Variants in SOX6 observed in about 807,000 individuals in gnomAD.
The protein encoded by SOX6 is transcription factor SOX-6.
Under a neutral mutation model 97.8 loss-of-function variants are expected in SOX6, and 11 were observed. The ratio of observed to expected loss-of-function variants is 0.11; its 90% CI spans 0.07 to 0.19. The LOEUF is 0.19. Among genes scored for constraint, SOX6 ranks in the 10% least tolerant of loss-of-function variants. The pLI, the probability that SOX6 is intolerant of heterozygous loss-of-function variation, is 1.00. For missense variants in SOX6, 810 were observed against 1,039.5 expected, an observed-to-expected ratio of 0.78 and a Z score of 3.04; for synonymous variants, 360 against 371.4, an observed-to-expected ratio of 0.97 and a Z score of 0.35.
At chr11:16,566,562 A>C (rs1359965206) in intron 4 of SOX6, among the ~76,000 whole-genome samples, 1 of 152,256 alleles carries the variant, frequency 6.6e-6, no homozygotes, top group African/African-American at 2.4e-5. Flanking sequence ...AAACTCAGCC[A>C]AAGCATTATT....
chr11:16,723,508 A>T (rs962258894), intron 2 of SOX6, among the ~76,000 whole-genome samples: 1 of 152,040 alleles, frequency 6.6e-6, no homozygotes, highest in Non-Finnish European at 1.5e-5. Context: ...GAAAAAAAAA[A>T]CTGAGAAAAG....
chr11:15,992,633 A>T (rs1021425703), intron 13 of SOX6, among the ~76,000 whole-genome samples: 2 of 152,172 alleles, frequency 1.3e-5, no homozygotes, highest in African/African-American at 4.8e-5. Context: ...AACATCCTAG[A>T]AAGGGAGTCT....
rs202008466 is a variant in SOX6 at position 16,318,585 on chromosome 11, A to G, written c.306T>C (p.Pro102=). 2 of 1,613,698 alleles carry G rather than the reference A, an allele frequency of 1.2e-6. No individual in the cohort carries two copies. The highest frequency in any genetic ancestry group is 4.5e-5 in the East Asian group (2 of 44,860). The part of the protein sequence containing the change: ...FRNTSTSPHK[P]DEGSRDREIM... ...TCTCACGGTCCCGACTCCCTTCGTC[A>G]GGCTTATGTGGTGAGGTAGAGGTAT... is the stretch of plus-strand genomic sequence containing the variant. The change falls in exon 3 of 16, where the codon CCT becomes CCC. Residue 102 remains proline, a synonymous_variant. Coordinates refer to ENST00000683767, the MANE Select transcript of SOX6 (RefSeq NM_001367873.1).
rs977322411 is a variant in SOX6, at chr11:15,969,817, T to A, written c.*2992A>T. 2.0e-5 allele frequency: 3 copies of A among 152,248 alleles called. No homozygotes were observed. The highest frequency in any genetic ancestry group is 4.4e-5 in the Non-Finnish European group (3 of 68,044). 9.4% of individuals were successfully genotyped at this position (152,248 alleles called of 1,614,324 possible). Reference sequence around the variant, plus strand: ...CTATGATTGTCATTCTTAATTTCCATGGATATTTAGAGCCAAACTTGGCTA... The same window carrying A: ...CTATGATTGTCATTCTTAATTTCCAAGGATATTTAGAGCCAAACTTGGCTA... On this transcript the variant is annotated 3_prime_UTR_variant, in exon 16 of 16. Transcript: ENST00000683767.
chr11:16,423,823 C>T (rs780640947), intron 1 of SOX6, among the ~76,000 whole-genome samples: 7 of 152,090 alleles, frequency 4.6e-5, no homozygotes, highest in Non-Finnish European at 8.8e-5. Context: ...CTAGAAAGTA[C>T]AGAGTGAAAA....
rs534690651 is a variant in SOX6, at chr11:16,583,614, C to CATATATATAT, written n.609+28457_609+28466dup. Among the ~76,000 whole-genome samples the CATATATATAT allele has an allele frequency of 1.3e-3, 141 of 104,640 alleles. 2 individuals are homozygous for CATATATATAT. The highest frequency in any genetic ancestry group is 3.1e-3 in the African/African-American group (96 of 30,690). The allele number at this position is 104,640 out of a possible 152,430, so 68.6% of individuals were successfully genotyped here. On this transcript the variant is annotated intron_variant and non_coding_transcript_variant, in intron 4 of 5. Coordinates refer to the SOX6 transcript ENST00000524520. The stretch of plus-strand genomic sequence containing the variant: ...ATATGTATATATGTGTATATATATA[C>CATATATATAT]ATATATATATATATATATATATACA...
At chr11:16,137,152 G>T (rs1849988997) in intron 6 of SOX6, among the ~76,000 whole-genome samples, 1 of 152,134 alleles carries the variant, frequency 6.6e-6, no homozygotes, top group African/African-American at 2.4e-5. Flanking sequence ...AGAGCATGTG[G>T]GGGCCGGGAG....
rs1458184284 is a variant in SOX6 at position 15,972,017 on chromosome 11, ACG to A, written c.*790_*791del. The A allele has an allele frequency of 4.6e-5, 7 of 152,822 alleles. No homozygotes were observed. The South Asian group carries it at 6.2e-4, about 14-fold the overall frequency. The allele number at this position is 152,822 out of a possible 1,614,324, so 9.5% of individuals were successfully genotyped here. ...TGGTGTGTGTATGTCATACCACATC[ACG>A]CACTGATGGCACGTCAACAGGCAAA... On this transcript the variant is annotated 3_prime_UTR_variant, in exon 16 of 16. Coordinates refer to ENST00000683767, the MANE Select transcript of SOX6 (RefSeq NM_001367873.1).
intron 13 of SOX6, among the ~76,000 whole-genome samples, chr11:15,997,885 A>G (rs921177769): frequency 3.9e-5 from 6 of 152,106 alleles, no homozygotes; most frequent in Non-Finnish European, 7.4e-5. Flanking sequence ...GTTCAAGACC[A>G]GCCTGACCAA....
chr11:16,735,320 T>C (rs180724045), intron 2 of SOX6, among the ~76,000 whole-genome samples: 1 of 152,310 alleles, frequency 6.6e-6, no homozygotes, highest in East Asian at 1.9e-4. Flanking sequence ...CATCACTGAA[T>C]ATATGCCCCA....
intron 1 of SOX6, among the ~76,000 whole-genome samples, chr11:16,349,369 C>T (rs1439801294): frequency 6.6e-6 from 1 of 152,056 alleles, no homozygotes; most frequent in Non-Finnish European, 1.5e-5. Context: ...GTAATCCCAG[C>T]ACTTTGGGAA....
rs564479592 is a variant in SOX6 at position 16,569,051 on chromosome 11, A to C, written n.609+43030T>G. ...AGGTGGATCAGCATGTAAGCATCATAGAGGTTGAAGAGCATTATCAAATTA... is the reference window on the plus strand; with the variant it reads ...AGGTGGATCAGCATGTAAGCATCATCGAGGTTGAAGAGCATTATCAAATTA... On this transcript the variant is annotated intron_variant and non_coding_transcript_variant, in intron 4 of 5. Coordinates refer to the SOX6 transcript ENST00000524520. 9.2e-5 allele frequency among the ~76,000 whole-genome samples: 14 copies of C among 152,362 alleles called. No homozygotes were observed. In the East Asian group the frequency reaches 1.2e-3, roughly 13 times the overall value.
chr11:16,115,968 A>G (rs1035962478), intron 6 of SOX6, among the ~76,000 whole-genome samples: 1 of 152,198 alleles, frequency 6.6e-6, no homozygotes, highest in African/African-American at 2.4e-5. Flanking sequence ...GTAGTTTGTT[A>G]CAATACATTG....
intron 3 of SOX6, among the ~76,000 whole-genome samples, chr11:16,252,839 T>G (rs1853556600): frequency 6.6e-6 from 1 of 151,956 alleles, no homozygotes; most frequent in African/African-American, 2.4e-5. Flanking sequence ...AGCAGGGAAA[T>G]TATTGAGAAG....
At chr11:16,077,139 C>G (rs1342330203) in intron 9 of SOX6, among the ~76,000 whole-genome samples, 1 of 152,180 alleles carries the variant, frequency 6.6e-6, no homozygotes, top group Non-Finnish European at 1.5e-5. Context: ...CCACTATGAT[C>G]AAATCACCTC....
chr11:16,528,059 C>T (rs1162048354), intron 4 of SOX6, among the ~76,000 whole-genome samples: 1 of 151,986 alleles, frequency 6.6e-6, no homozygotes, highest in Non-Finnish European at 1.5e-5. Flanking sequence ...GATTCAAGCC[C>T]GCTCCATTAT....
intron 12 of SOX6, among the ~76,000 whole-genome samples, chr11:16,019,015 T>C (rs1339467816): frequency 1.3e-5 from 2 of 152,130 alleles, no homozygotes; most frequent in Non-Finnish European, 2.9e-5. Context: ...GTAGAGTGGA[T>C]TGTGTACTTA....
At chr11:16,204,317 C>T (rs1177891406) in intron 4 of SOX6, among the ~76,000 whole-genome samples, 1 of 152,066 alleles carries the variant, frequency 6.6e-6, no homozygotes, top group Non-Finnish European at 1.5e-5. Context: ...TCATGGTTCT[C>T]ATTAGTACTA....
At chr11:16,434,063 A>G (rs1859324315) in intron 1 of SOX6, 1 of 152,128 alleles carries the variant, frequency 6.6e-6, no homozygotes, top group East Asian at 1.9e-4. Flanking sequence ...ACCAGGCACT[A>G]CATCCAGGCA....
Sources: allele counts gnomAD v4.1 joint callset (sites outside exome capture counted in the v4.1 genomes callset), GRCh38; gene constraint gnomAD v4.1.1; transcripts MANE v1.5; gene names NCBI Gene and HGNC (gene_info 2026-07-23, HGNC 2026-07-21).